Variants in STK3 observed in about 807,000 individuals in gnomAD.
STK3 encodes serine/threonine-protein kinase 3.
Under a neutral mutation model 58.0 loss-of-function variants are expected in STK3, and 41 were observed. The observed-to-expected ratio is 0.71, with a 90% CI of 0.55 to 0.92. The LOEUF (loss-of-function observed/expected upper bound fraction) is 0.92, where lower values mean the gene tolerates loss of function less well. Ranked by LOEUF, STK3 falls within the 40% of genes least tolerant of loss-of-function variation. The pLI is 0.00. For synonymous variants in STK3, 170 were observed against 191.0 expected (o/e 0.89, Z 0.91); for missense variants, 479 against 602.7 (o/e 0.79, Z 2.15).
chr8:98,484,033 C>A (rs553091336), intron 10 of STK3, among the ~76,000 whole-genome samples: 2 of 147,266 alleles, frequency 1.4e-5, no homozygotes, highest in African/African-American at 4.9e-5. Context: ...TGGCCTTGAA[C>A]ATAGACTGAA....
intron 8 of STK3, among the ~76,000 whole-genome samples, chr8:98,571,127 C>A (rs958031404): frequency 4.6e-5 from 7 of 152,080 alleles, no homozygotes; most frequent in African/African-American, 1.7e-4. Context: ...GTCAGGAGTT[C>A]AAGACCAGCC....
At chr8:98,743,657 T>C (rs1206078845) in intron 4 of STK3, among the ~76,000 whole-genome samples, 7 of 152,110 alleles carry the variant, frequency 4.6e-5, no homozygotes, top group African/African-American at 2.4e-5. Context: ...GGCATTACCA[T>C]TCAGGACATA....
At chr8:98,452,218 T>C (rs775976641), downstream of STK3, among the ~76,000 whole-genome samples, 4 of 152,180 alleles carry the variant, frequency 2.6e-5, no homozygotes, top group Non-Finnish European at 4.4e-5. Context: ...GAGTAGAGCA[T>C]GATTTTGAAC....
intron 6 of STK3, among the ~76,000 whole-genome samples, chr8:98,624,764 G>A (rs1390428797): frequency 1.3e-5 from 2 of 152,098 alleles, no homozygotes; most frequent in African/African-American, 4.8e-5. Context: ...TGAGGCAGGA[G>A]AATCACTTGA....
At chr8:98,390,434 C>T (rs1817837850), upstream of STK3, among the ~76,000 whole-genome samples, 1 of 152,132 alleles carries the variant, frequency 6.6e-6, no homozygotes, top group Admixed American at 6.5e-5. Flanking sequence ...TGTTGTTTTT[C>T]TCTAATTATT....
At chr8:98,822,103 T>C (rs535515144) in intron 1 of STK3, among the ~76,000 whole-genome samples, 1 of 152,028 alleles carries the variant, frequency 6.6e-6, no homozygotes, top group Non-Finnish European at 1.5e-5. Flanking sequence ...ACTAAAAATA[T>C]AAAGGCATGT....
At chr8:98,416,708 C>A (rs1238490827) in intron 3 of STK3, among the ~76,000 whole-genome samples, 4 of 152,186 alleles carry the variant, frequency 2.6e-5, no homozygotes, top group Admixed American at 2.0e-4. Context: ...ATTAGAAAAT[C>A]TAGTCATTGT....
intron 10 of STK3, among the ~76,000 whole-genome samples, chr8:98,468,872 A>G (rs1347596108): frequency 6.6e-6 from 1 of 152,212 alleles, no homozygotes; most frequent in Non-Finnish European, 1.5e-5. Flanking sequence ...GCACTTTGGG[A>G]GGCTGAGGCA....
At chr8:98,902,610 C>A (rs779139426) in intron 1 of STK3, among the ~76,000 whole-genome samples, 1 of 152,230 alleles carries the variant, frequency 6.6e-6, no homozygotes, top group South Asian at 2.1e-4. Context: ...CCACTGTCAC[C>A]GTCCTGGCCC....
Position 98,778,100 on chromosome 8 carries a change from G to C in STK3, c.27-3281C>G, listed in dbSNP as rs966153489. Among the ~76,000 whole-genome samples, 4 of 152,090 alleles carry C rather than the reference G, an allele frequency of 2.6e-5. No homozygotes were observed. In the East Asian group the frequency reaches 5.8e-4, roughly 22 times the overall value. On this transcript the variant is annotated intron_variant, in intron 1 of 10. Transcript: ENST00000419617. ...CATCAGAGTGAACAGGCAACCTACAGAATGGGAGAAAATTTTTGCAATCTA... is the reference window on the plus strand; with the variant it reads ...CATCAGAGTGAACAGGCAACCTACACAATGGGAGAAAATTTTTGCAATCTA...
chr8:98,617,165 A>C (rs1817813107), intron 6 of STK3, among the ~76,000 whole-genome samples: 1 of 151,882 alleles, frequency 6.6e-6, no homozygotes, highest in African/African-American at 2.4e-5. Flanking sequence ...ATCTCACTCA[A>C]AGCCGCTCAA....
chr8:98,564,337 G>A (rs1219025850), intron 8 of STK3, among the ~76,000 whole-genome samples: 5 of 152,032 alleles, frequency 3.3e-5, no homozygotes, highest in Non-Finnish European at 7.4e-5. Flanking sequence ...AGGTAAATAC[G>A]TGCTTGCCAC....
chr8:98,812,229 C>A (rs1834274935), intron 1 of STK3, among the ~76,000 whole-genome samples: 1 of 152,132 alleles, frequency 6.6e-6, no homozygotes, highest in Admixed American at 6.5e-5. Flanking sequence ...TCAACTAGAA[C>A]TAGAAGTGAA....
At chr8:98,464,080 C>T (rs1820229118) in intron 10 of STK3, among the ~76,000 whole-genome samples, 1 of 151,998 alleles carries the variant, frequency 6.6e-6, no homozygotes, top group Non-Finnish European at 1.5e-5. Context: ...TATTAGTGGC[C>T]TTTGATTAAA....
At chr8:98,446,736 G>A (rs1487392989) in intron 1 of STK3, among the ~76,000 whole-genome samples, 1 of 152,018 alleles carries the variant, frequency 6.6e-6, no homozygotes, top group Non-Finnish European at 1.5e-5. Context: ...CCCATTACTG[G>A]GTTTATATGC....
chr8:98,743,380 A>C (rs954555771), intron 4 of STK3, among the ~76,000 whole-genome samples: 18 of 152,186 alleles, frequency 1.2e-4, no homozygotes, highest in Admixed American at 3.3e-4. Context: ...CTGGTACCAA[A>C]ACAGAGATAT....
intron 3 of STK3, among the ~76,000 whole-genome samples, chr8:98,857,254 T>C (rs1836717707): frequency 6.6e-6 from 1 of 152,276 alleles, no homozygotes; most frequent in South Asian, 2.1e-4. Context: ...AAACAAACAA[T>C]AACCAAATCC....
At chr8:98,708,287 A>G (rs1194888327) in intron 4 of STK3, among the ~76,000 whole-genome samples, 1 of 152,162 alleles carries the variant, frequency 6.6e-6, no homozygotes, top group Admixed American at 6.5e-5. Flanking sequence ...TGAAAAAGTA[A>G]ATTCAGATAC....
intron 3 of STK3, among the ~76,000 whole-genome samples, chr8:98,761,509 C>A (rs986768780): frequency 1.3e-5 from 2 of 152,104 alleles, no homozygotes; most frequent in Non-Finnish European, 2.9e-5. Context: ...TTTTAAAAGT[C>A]TTCCTAATAT....
Sources: gnomAD v4.1 joint callset for allele counts (sites outside exome capture counted in the v4.1 genomes callset) on GRCh38, gnomAD v4.1.1 for gene constraint, MANE v1.5 for transcripts, NCBI Gene and HGNC (gene_info 2026-07-23, HGNC 2026-07-21) for gene names.